The following MSRA variants were observed in gnomAD, a reference collection of about 807,000 sequenced individuals.
MSRA encodes mitochondrial peptide methionine sulfoxide reductase.
Under a neutral mutation model 31.3 loss-of-function variants are expected in MSRA, and 54 were observed. That is an observed-to-expected ratio of 1.73 (90% confidence interval 1.39 to 2.17). The LOEUF (loss-of-function observed/expected upper bound fraction) is 2.17. Among genes scored for constraint, MSRA ranks in the 30% most tolerant of loss-of-function variants. The pLI, the probability that MSRA is intolerant of heterozygous loss-of-function variation, is 0.00. For synonymous variants in MSRA, 169 were observed against 116.5 expected (o/e 1.45, Z -2.90); for missense variants, 507 against 300.9 (o/e 1.69, Z -5.07).
intron 5 of MSRA, among the ~76,000 whole-genome samples, chr8:10,383,595 A>G (rs1806208690): frequency 6.6e-6 from 1 of 152,116 alleles, no homozygotes; most frequent in African/African-American, 2.4e-5. Flanking sequence ...GACATTTGTA[A>G]AAATGTTTTG....
chr8:10,428,238 C>A lies in MSRA; in HGVS notation c.634C>A (p.Leu212Met). Residue 212 changes from leucine to methionine, a missense_variant, in exon 6 of 6, where the codon CTG becomes ATG. Coordinates refer to ENST00000317173, the MANE Select transcript of MSRA (RefSeq NM_012331.5). Reference protein sequence around the residue: ...YYAEDYHQQYLSKNPNGYCGL... With the variant: ...YYAEDYHQQYMSKNPNGYCGL... ...TGCGGAAGACTACCACCAGCAGTAC[C>A]TGAGCAAGAACCCCAATGGCTACTG... is the stretch of plus-strand genomic sequence containing the variant. The A allele has an allele frequency of 1.9e-6, 3 of 1,614,198 alleles. No homozygotes were observed. Among genetic ancestry groups the A allele is most frequent in the Non-Finnish European group, 1.7e-6 (2 of 1,180,044 alleles).
intron 1 of MSRA, among the ~76,000 whole-genome samples, chr8:10,192,137 C>G (rs1475180555): frequency 6.6e-6 from 1 of 152,198 alleles, no homozygotes; most frequent in African/African-American, 2.4e-5. Context: ...AACAAGAGAG[C>G]ACCCAAGATG....
chr8:10,077,502 T>A (rs62922261), intron 1 of MSRA, among the ~76,000 whole-genome samples: 3 of 86,774 alleles, frequency 3.5e-5, no homozygotes, highest in African/African-American at 1.1e-4. Flanking sequence ...TTTTTTTTTT[T>A]AAATGAGACA....
At chr8:10,156,744 A>G (rs1804185789) in intron 1 of MSRA, among the ~76,000 whole-genome samples, 2 of 151,528 alleles carry the variant, frequency 1.3e-5, no homozygotes, top group Non-Finnish European at 1.5e-5. Context: ...TGGTGATGGA[A>G]TAGAATTTTC....
At chr8:10,090,194 G>A (rs981859140) in intron 1 of MSRA, among the ~76,000 whole-genome samples, 12 of 152,212 alleles carry the variant, frequency 7.9e-5, no homozygotes, top group African/African-American at 2.7e-4. Context: ...GGGCCTGGCA[G>A]TGTGAGTTGG....
At chr8:10,155,573 C>G (rs951026901) in intron 1 of MSRA, among the ~76,000 whole-genome samples, 7 of 152,112 alleles carry the variant, frequency 4.6e-5, no homozygotes, top group African/African-American at 1.7e-4. Context: ...TCTCTTTCCA[C>G]TAGAAGAAAC....
At chr8:10,129,990 A>G (rs1342126400) in intron 1 of MSRA, among the ~76,000 whole-genome samples, 3 of 152,164 alleles carry the variant, frequency 2.0e-5, no homozygotes, top group Non-Finnish European at 4.4e-5. Context: ...ATGTGCACCT[A>G]TCCCCATCCA....
intron 5 of MSRA, among the ~76,000 whole-genome samples, chr8:10,348,424 C>T (rs973190318): frequency 8.8e-6 from 1 of 114,160 alleles, no homozygotes; most frequent in Non-Finnish European, 1.6e-5. Context: ...GGCTGGAGTG[C>T]AGTGGCGTGA....
intron 5 of MSRA, among the ~76,000 whole-genome samples, chr8:10,358,517 TTACCACCTCAGC>T (rs1804643221): frequency 6.9e-6 from 1 of 145,972 alleles, no homozygotes; most frequent in Admixed American, 7.1e-5. Context: ...TGAGCTGGCA[TTACCACCTCAGC>T]TCCGCCTCCT....
chr8:10,096,034 T>C (rs1310877552), intron 1 of MSRA: 7 of 1,453,628 alleles, frequency 4.8e-6, no homozygotes. Context: ...CTTCGGAATG[T>C]GTTCAGAACG....
At chr8:10,335,324 A>G (rs7826957) in intron 5 of MSRA, among the ~76,000 whole-genome samples, 1,538 of 141,260 alleles carry the variant, frequency 0.011, 18 homozygotes, top group African/African-American at 0.04. Flanking sequence ...ACTCACAGAC[A>G]CTGCACGTGA....
intron 5 of MSRA, among the ~76,000 whole-genome samples, chr8:10,407,163 C>A (rs1025632810): frequency 6.6e-6 from 1 of 152,208 alleles, no homozygotes; most frequent in Admixed American, 6.5e-5. Flanking sequence ...AGGCAGAAGC[C>A]ACCATGCCCA....
chr8:10,362,178 C>A (rs1365544221), intron 5 of MSRA, among the ~76,000 whole-genome samples: 1 of 152,174 alleles, frequency 6.6e-6, no homozygotes, highest in Admixed American at 6.5e-5. Context: ...CTCTGCACCA[C>A]TGAGTTGCAG....
At chr8:10,365,751 T>C (rs1416921706) in intron 5 of MSRA, among the ~76,000 whole-genome samples, 2 of 152,218 alleles carry the variant, frequency 1.3e-5, no homozygotes, top group African/African-American at 4.8e-5. Flanking sequence ...GATTTGTCTT[T>C]GCCTCCTCTC....
chr8:10,268,883 C>G (rs533987797), intron 3 of MSRA, among the ~76,000 whole-genome samples: 28 of 152,346 alleles, frequency 1.8e-4, no homozygotes, highest in African/African-American at 6.7e-4. Context: ...TAACTTCTTG[C>G]CATTAAAACA....
At chr8:10,294,812 C>T (rs723609) in intron 3 of MSRA, among the ~76,000 whole-genome samples, 26,610 of 151,904 alleles carry the variant, frequency 0.18, 3,134 homozygotes, top group Non-Finnish European at 0.26. Flanking sequence ...CCTAACCTTC[C>T]CCACAGCAGC....
intron 5 of MSRA, among the ~76,000 whole-genome samples, chr8:10,323,346 T>C (rs1240756493): frequency 1.3e-5 from 2 of 152,314 alleles, no homozygotes; most frequent in East Asian, 3.9e-4. Flanking sequence ...ATGTAATGAT[T>C]CGTAGTTCTC....
intron 1 of MSRA, among the ~76,000 whole-genome samples, chr8:10,075,503 A>C (rs377274887): frequency 2.0e-5 from 3 of 152,318 alleles, no homozygotes; most frequent in South Asian, 4.1e-4. Flanking sequence ...ATTATGATTC[A>C]TGTTGAATAT....
At chr8:10,216,118 C>G (rs578259526) in intron 2 of MSRA, among the ~76,000 whole-genome samples, 2 of 152,072 alleles carry the variant, frequency 1.3e-5, no homozygotes, top group Non-Finnish European at 2.9e-5. Context: ...TAATATAAAA[C>G]CTAATATTAT....
Sources: gnomAD v4.1 joint callset for allele counts (sites outside exome capture counted in the v4.1 genomes callset) on GRCh38, gnomAD v4.1.1 for gene constraint, MANE v1.5 for transcripts, NCBI Gene and HGNC (gene_info 2026-07-23, HGNC 2026-07-21) for gene names.